The following LMO1 variants were observed in gnomAD, a reference collection of about 807,000 sequenced individuals.
The protein encoded by LMO1 is rhombotin-1.
In LMO1, 10 loss-of-function variants were observed where a neutral mutation model predicts 18.0. That is an observed-to-expected ratio of 0.55 (90% CI 0.34 to 0.94). LMO1 has a LOEUF of 0.94. LMO1 is among the 40% of genes least tolerant of loss of function. The pLI is 0.02. For missense variants in LMO1, 183 were observed against 205.7 expected, an observed-to-expected ratio of 0.89 and a Z score of 0.68; for synonymous variants, 77 against 77.9, an observed-to-expected ratio of 0.99 and a Z score of 0.06.
chr11:8,264,545 A>G (rs528658702), upstream of LMO1, among the ~76,000 whole-genome samples: 2 of 152,284 alleles, frequency 1.3e-5, no homozygotes, highest in South Asian at 2.1e-4. Flanking sequence ...GCTTCTCCCC[A>G]GAATCCTGGG....
chr11:8,261,696 A>G (rs1372692775), intron 1 of LMO1, among the ~76,000 whole-genome samples: 3 of 152,144 alleles, frequency 2.0e-5, no homozygotes, highest in African/African-American at 4.8e-5. Context: ...ATTTTTACCA[A>G]GAGGGAAGGT....
At chr11:8,265,625 G>C (rs1235220388), upstream of LMO1, among the ~76,000 whole-genome samples, 2 of 152,182 alleles carry the variant, frequency 1.3e-5, no homozygotes, top group Non-Finnish European at 2.9e-5. Context: ...CTGCGAGCTT[G>C]ATCTCTCCCC....
At position 8,238,927 on chromosome 11, in the gene LMO1, C is replaced by G. The variant is rs73415224; in HGVS notation, c.26-8423G>C. Among the ~76,000 whole-genome samples the G allele has an allele frequency of 6.3e-3, 964 of 152,312 alleles. 10 individuals are homozygous for G. Among genetic ancestry groups the G allele is most frequent in the African/African-American group, 0.022 (925 of 41,572 alleles). ...ATGCCCTCATCAGAGCTCTGTATGC[C>G]TTTCATAAACCCCACCATTTACTCA... On this transcript the variant is annotated intron_variant, in intron 1 of 3. Coordinates refer to ENST00000335790, the MANE Select transcript of LMO1 (RefSeq NM_002315.3).
intron 1 of LMO1, among the ~76,000 whole-genome samples, chr11:8,246,518 G>T (rs761448031): frequency 1.3e-5 from 2 of 152,192 alleles, no homozygotes; most frequent in Non-Finnish European, 2.9e-5. Context: ...GTAGTTTAGT[G>T]GTTGCCAGGG....
At position 8,263,536 on chromosome 11, in the gene LMO1, C is replaced by T; in HGVS notation, c.-174G>A. The T allele has an allele frequency of 7.3e-7, 1 of 1,371,906 alleles. No individual in the cohort carries two copies. Among genetic ancestry groups the T allele is most frequent in the African/African-American group, 1.5e-5 (1 of 65,988 alleles). The allele number at this position is 1,371,906 out of a possible 1,614,324, so 85.0% of individuals were successfully genotyped here. A position where few individuals can be genotyped will look rare whatever the true frequency, so the allele number is the denominator to read the frequency against. ...TAGAATTACATTCAGGAGTGAAGCA[C>T]TTCGCAGATACAAAAGCAGTCTCAC... is the stretch of plus-strand genomic sequence containing the variant. On this transcript the variant is annotated 5_prime_UTR_variant, in exon 1 of 4. It adds an upstream start codon to the 5' untranslated region. Transcript: ENST00000335790.
At chr11:8,267,559 A>G (rs1847273768), upstream of LMO1, among the ~76,000 whole-genome samples, 1 of 152,170 alleles carries the variant, frequency 6.6e-6, no homozygotes, top group Admixed American at 6.5e-5. Flanking sequence ...AGAGACTGGC[A>G]GTGGAAAGGG....
At chr11:8,259,307 C>T (rs1309230047) in intron 1 of LMO1, among the ~76,000 whole-genome samples, 1 of 152,146 alleles carries the variant, frequency 6.6e-6, no homozygotes, top group Non-Finnish European at 1.5e-5. Flanking sequence ...TCACCCAAGG[C>T]TCGGGTGTGT....
intron 1 of LMO1, 87 bp from the exon 2 acceptor site, chr11:8,230,591 T>C: frequency 1.5e-6 from 2 of 1,316,760 alleles, no homozygotes; most frequent in South Asian, 2.6e-5. Flanking sequence ...GGGAGCTCAC[T>C]GCTTCTCTCT....
intron 1 of LMO1, among the ~76,000 whole-genome samples, chr11:8,244,960 C>A (rs1291342745): frequency 1.3e-5 from 2 of 152,224 alleles, no homozygotes; most frequent in Non-Finnish European, 2.9e-5. Context: ...TTCCACAGTA[C>A]CCTGCATCCT....
Position 8,224,766 on chromosome 11 carries a change from TG to T in LMO1, c.366-46del, listed in dbSNP as rs759073340. On this transcript the variant is annotated intron_variant, in intron 3 of 3. Transcript: ENST00000335790. ...GAGAGAAGCCATGGGAAGGTCCCAGTGGGTAAGGGGGGGGCTGCAGACAGAA... is the reference window on the plus strand; with the variant it reads ...GAGAGAAGCCATGGGAAGGTCCCAGTGGTAAGGGGGGGGCTGCAGACAGAA... 4.5e-6 allele frequency: 6 copies of T among 1,325,226 alleles called. No homozygotes were observed. In the South Asian group the frequency reaches 7.5e-5, roughly 17 times the overall value. 82.1% of individuals were successfully genotyped at this position (1,325,226 alleles called of 1,614,324 possible). A position where few individuals can be genotyped will look rare whatever the true frequency, so the allele number is the denominator to read the frequency against.
At chr11:8,255,536 G>A (rs530241226) in intron 1 of LMO1, among the ~76,000 whole-genome samples, 48 of 152,208 alleles carry the variant, frequency 3.2e-4, no homozygotes, top group South Asian at 3.1e-3. Flanking sequence ...CACACCTTCC[G>A]GACCGGTCTC....
chr11:8,235,849 CTAAGGACTAAGGG>C (rs768012391), intron 1 of LMO1, among the ~76,000 whole-genome samples: 9 of 152,216 alleles, frequency 5.9e-5, no homozygotes, highest in Admixed American at 2.0e-4. Context: ...ATGTGATGTG[CTAAGGACTAAGGG>C]CCACAGCAAA....
intron 1 of LMO1, 86 bp downstream of exon 1, chr11:8,263,252 C>G (rs1847219140): frequency 7.1e-7 from 1 of 1,410,068 alleles, no homozygotes; most frequent in South Asian, 1.2e-5. Flanking sequence ...AGCAGGTGTG[C>G]GCCCGTGTCC....
At chr11:8,268,051 A>T (rs548948651), upstream of LMO1, among the ~76,000 whole-genome samples, 1 of 152,352 alleles carries the variant, frequency 6.6e-6, no homozygotes, top group East Asian at 1.9e-4. Context: ...AGGCTGGGAG[A>T]CTGGCTGGCA....
intron 3 of LMO1, 65 bp downstream of exon 3, chr11:8,226,910 C>A: frequency 1.3e-6 from 2 of 1,550,098 alleles, no homozygotes; most frequent in Non-Finnish European, 1.7e-6. Context: ...GTGCTCCTGG[C>A]CCATCCCAGC....
rs374579646 is a variant in LMO1, at chr11:8,250,631, G to A, written c.25+12707C>T. On this transcript the variant is annotated intron_variant, in intron 1 of 3. Transcript: ENST00000335790. ...CCTGCCAAGAAGATGCCTCACAGAT[G>A]GGAAACAGCTTCTGGCTCGGGGGAG... 4.1e-4 allele frequency among the ~76,000 whole-genome samples: 63 copies of A among 152,370 alleles called. No homozygotes were observed. In the East Asian group the frequency reaches 5.8e-3, roughly 14 times the overall value.
chr11:8,231,615 G>A (rs1450543224), intron 1 of LMO1, among the ~76,000 whole-genome samples: 2 of 152,188 alleles, frequency 1.3e-5, no homozygotes, highest in African/African-American at 4.8e-5. Context: ...AAGACAGGGA[G>A]CGTGTGCATG....
chr11:8,224,854 C>A, intron 3 of LMO1, 133 bp from the exon 4 acceptor site: 1 of 656,028 alleles, frequency 1.5e-6, no homozygotes, highest in Non-Finnish European at 2.7e-6. Context: ...TTCCTTGAAC[C>A]TTCCAGAGGG....
chr11:8,247,544 T>C (rs1846916379), intron 1 of LMO1, among the ~76,000 whole-genome samples: 2 of 152,174 alleles, frequency 1.3e-5, no homozygotes, highest in African/African-American at 4.8e-5. Flanking sequence ...GAGTTGGGAA[T>C]GAGCAGGGAT....
Sources: allele counts gnomAD v4.1 joint callset (sites outside exome capture counted in the v4.1 genomes callset), GRCh38; gene constraint gnomAD v4.1.1; transcripts MANE v1.5; gene names NCBI Gene and HGNC (gene_info 2026-07-23, HGNC 2026-07-21).